The following RPH3A variants were observed in gnomAD, a reference collection of about 807,000 sequenced individuals.
RPH3A encodes the protein rabphilin-3A.
Under a neutral mutation model 102.2 loss-of-function variants are expected in RPH3A, and 48 were observed. The observed-to-expected ratio is 0.47, with a 90% CI of 0.37 to 0.60. The LOEUF is 0.60. Ranked by LOEUF, RPH3A falls within the 20% of genes least tolerant of loss-of-function variation. RPH3A has a pLI of 0.00. For missense variants in RPH3A, 781 were observed against 910.1 expected (o/e 0.86, Z 1.83); for synonymous variants, 310 against 324.3 (o/e 0.96, Z 0.47).
intron 1 of RPH3A, among the ~76,000 whole-genome samples, chr12:112,609,002 A>G (rs1173877590): frequency 1.3e-5 from 2 of 152,220 alleles, no homozygotes; most frequent in Non-Finnish European, 1.5e-5. Context: ...CATACTAGCC[A>G]CGTTTCAAGT....
chr12:112,636,982 G>C (rs1359004300), intron 1 of RPH3A, among the ~76,000 whole-genome samples: 1 of 152,128 alleles, frequency 6.6e-6, no homozygotes, highest in Non-Finnish European at 1.5e-5. Context: ...GCCTCCATCA[G>C]ACTGTCCACC....
chr12:112,806,253 C>T (rs886118384), intron 2 of RPH3A, among the ~76,000 whole-genome samples: 9 of 152,306 alleles, frequency 5.9e-5, no homozygotes, highest in Admixed American at 5.9e-4. Flanking sequence ...AAAGAATTTG[C>T]TTAAACTATT....
In RPH3A at chr12:112,758,901, A is replaced by G. The variant is rs146894147; in HGVS notation, c.-139-33242A>G. 7.5e-3 allele frequency among the ~76,000 whole-genome samples: 1,143 copies of G among 152,324 alleles called. 11 individuals are homozygous for G. The highest frequency in any genetic ancestry group is 0.025 in the African/African-American group (1,044 of 41,560). On this transcript the variant is annotated intron_variant, in intron 1 of 21. Transcript: ENST00000543106. ...GCTTTCCAAGTTTTCCAAGTTTTCT[A>G]CCAACCCAGGAGGACAGAAATATGG...
chr12:112,642,934 G>C (rs1456993228), intron 1 of RPH3A, among the ~76,000 whole-genome samples: 7 of 152,154 alleles, frequency 4.6e-5, no homozygotes, highest in Non-Finnish European at 1.0e-4. Context: ...AAATATGGGT[G>C]CTACTGGCGT....
At chr12:112,858,036 T>C (rs2042439108) in intron 5 of RPH3A, among the ~76,000 whole-genome samples, 1 of 151,778 alleles carries the variant, frequency 6.6e-6, no homozygotes, top group South Asian at 2.1e-4. Context: ...TGGGAGGCTT[T>C]GGTGGGAGGA....
chr12:112,836,620 A>G (rs1438126336), intron 4 of RPH3A, 118 bp downstream of exon 4: 2 of 383,574 alleles, frequency 5.2e-6, no homozygotes, highest in Non-Finnish European at 9.0e-6. Context: ...AGCAAATTTT[A>G]AACATTTTTT....
At chr12:112,632,376 A>T (rs941876400) in intron 1 of RPH3A, among the ~76,000 whole-genome samples, 4 of 152,100 alleles carry the variant, frequency 2.6e-5, no homozygotes, top group African/African-American at 9.7e-5. Flanking sequence ...CTGAGTCTCC[A>T]ATGTCTATCA....
chr12:112,694,559 G>A (rs2040331495), intron 1 of RPH3A, among the ~76,000 whole-genome samples: 1 of 152,052 alleles, frequency 6.6e-6, no homozygotes, highest in Non-Finnish European at 1.5e-5. Flanking sequence ...AAAAGAGAGA[G>A]AGAGAGAGAC....
In RPH3A at chr12:112,703,734, G is replaced by A. The variant is rs148974453; in HGVS notation, c.-139-88409G>A. ...CTCACGACTTCACCCTGCATTCTTT[G>A]ACCAATCCATGATCTCCACATCTGC... On this transcript the variant is annotated intron_variant, in intron 1 of 21. Transcript: ENST00000543106. Among the ~76,000 whole-genome samples the A allele has an allele frequency of 4.6e-3, 696 of 152,202 alleles. 5 individuals are homozygous for A. Among genetic ancestry groups the A allele is most frequent in the Non-Finnish European group, 7.0e-3 (478 of 68,012 alleles).
At chr12:112,873,358 G>T (rs949595586) in intron 10 of RPH3A, among the ~76,000 whole-genome samples, 2 of 152,216 alleles carry the variant, frequency 1.3e-5, no homozygotes, top group African/African-American at 4.8e-5. Flanking sequence ...GGCAGTTCAC[G>T]TGCAGAGCCA....
chr12:112,875,031 C>CTG lies in RPH3A; in HGVS notation c.797-38_797-37dup, dbSNP rs775440420. 9.6e-4 allele frequency: 1,334 copies of CTG among 1,388,208 alleles called. 1 individual carries two copies. The highest frequency in any genetic ancestry group is 7.2e-4 in the Non-Finnish European group (729 of 1,011,240). The allele number at this position is 1,388,208 out of a possible 1,614,324, so 86.0% of individuals were successfully genotyped here. A position where few individuals can be genotyped will look rare whatever the true frequency, so the allele number is the denominator to read the frequency against. ...CTGAGTGGTCCCAAGCTCCTTCCTG[C>CTG]TGTGTGTGTGTGTGTGACACATAAT... On this transcript the variant is annotated intron_variant, in intron 10 of 21. Coordinates refer to ENST00000389385, the MANE Select transcript of RPH3A (RefSeq NM_001143854.2).
At chr12:112,618,395 C>T (rs2039697228) in intron 1 of RPH3A, among the ~76,000 whole-genome samples, 3 of 152,202 alleles carry the variant, frequency 2.0e-5, no homozygotes, top group African/African-American at 2.4e-5. Flanking sequence ...CAGTTCATCA[C>T]AGGCTGCAAC....
intron 1 of RPH3A, among the ~76,000 whole-genome samples, chr12:112,576,857 A>C (rs1262229823): frequency 1.4e-5 from 2 of 145,244 alleles, no homozygotes; most frequent in African/African-American, 5.2e-5. Flanking sequence ...TTTTTTTTAA[A>C]TTATTGTATT....
At chr12:112,810,477 G>C (rs901461463) in intron 2 of RPH3A, among the ~76,000 whole-genome samples, 1 of 152,222 alleles carries the variant, frequency 6.6e-6, no homozygotes, top group East Asian at 1.9e-4. Flanking sequence ...CAGAAAGGCT[G>C]TGTGCTAGAT....
intron 1 of RPH3A, among the ~76,000 whole-genome samples, chr12:112,634,505 G>T (rs985921320): frequency 7.3e-6 from 1 of 137,598 alleles, no homozygotes; most frequent in African/African-American, 2.7e-5. Flanking sequence ...TCAGTGAGCT[G>T]AAATTGCACC....
intron 1 of RPH3A, among the ~76,000 whole-genome samples, chr12:112,710,514 G>T (rs937394724): frequency 2.0e-5 from 3 of 152,158 alleles, no homozygotes; most frequent in African/African-American, 7.2e-5. Flanking sequence ...CAGCACTCTG[G>T]CCTCTGCCAG....
chr12:112,858,109 T>C (rs755528982), intron 5 of RPH3A, among the ~76,000 whole-genome samples: 2 of 150,786 alleles, frequency 1.3e-5, no homozygotes, highest in African/African-American at 4.9e-5. Context: ...CTCATATCTA[T>C]AAAAAATAAT....
At chr12:112,600,474 T>G (rs1282454672) in intron 1 of RPH3A, among the ~76,000 whole-genome samples, 1 of 152,176 alleles carries the variant, frequency 6.6e-6, no homozygotes, top group Non-Finnish European at 1.5e-5. Flanking sequence ...TCTGGTCTCC[T>G]CCAAGCAGTA....
At chr12:112,616,444 G>C (rs1428567150) in intron 1 of RPH3A, among the ~76,000 whole-genome samples, 1 of 152,224 alleles carries the variant, frequency 6.6e-6, no homozygotes, top group African/African-American at 2.4e-5. Flanking sequence ...ACCGCGCGCA[G>C]TCTGGATCCA....
Sources: allele counts gnomAD v4.1 joint callset (sites outside exome capture counted in the v4.1 genomes callset), GRCh38; gene constraint gnomAD v4.1.1; transcripts MANE v1.5; gene names NCBI Gene and HGNC (gene_info 2026-07-23, HGNC 2026-07-21).